The following OSBPL11 variants were observed in gnomAD, a reference collection of about 807,000 sequenced individuals.
The protein encoded by OSBPL11 is oxysterol-binding protein-related protein 11.
OSBPL11 carries 33 observed loss-of-function variants against 84.4 expected under a neutral mutation model. The observed-to-expected ratio is 0.39, with a 90% CI of 0.30 to 0.52. OSBPL11 has a LOEUF of 0.52. OSBPL11 is among the 20% of genes least tolerant of loss of function. The pLI, the probability that OSBPL11 is intolerant of heterozygous loss-of-function variation, is 0.72. For synonymous variants in OSBPL11, 276 were observed against 310.2 expected, an observed-to-expected ratio of 0.89 and a Z score of 1.16; for missense variants, 736 against 901.1, an observed-to-expected ratio of 0.82 and a Z score of 2.35.
chr3:125,581,344 G>A lies in OSBPL11; in HGVS notation c.234-1304C>T, dbSNP rs184698675. 9.0e-4 allele frequency among the ~76,000 whole-genome samples: 137 copies of A among 151,428 alleles called. 1 individual carries two copies. Among genetic ancestry groups the A allele is most frequent in the African/African-American group, 3.2e-3 (132 of 41,380 alleles). ...TGAACTCAGGCGATCCTCCCGCCTC[G>A]GCCTCCCAAAGTGCTTGGATTACAG... On this transcript the variant is annotated intron_variant, in intron 2 of 12. Coordinates refer to ENST00000296220, the MANE Select transcript of OSBPL11 (RefSeq NM_022776.5).
intron 12 of OSBPL11, among the ~76,000 whole-genome samples, chr3:125,531,151 G>C (rs1278838447): frequency 6.7e-6 from 1 of 149,552 alleles, no homozygotes; most frequent in African/African-American, 2.5e-5. Flanking sequence ...GCTAATTTTT[G>C]TATTTTTAGT....
chr3:125,594,548 TTA>T, intron 1 of OSBPL11, 87 bp downstream of exon 1: 1 of 1,481,128 alleles, frequency 6.8e-7, no homozygotes, highest in Non-Finnish European at 9.1e-7. Context: ...GAAAAAACTT[TTA>T]TCTTTCAACA....
intron 1 of OSBPL11, among the ~76,000 whole-genome samples, chr3:125,593,523 G>A (rs1044590593): frequency 6.6e-6 from 1 of 151,556 alleles, no homozygotes; most frequent in Admixed American, 6.6e-5. Flanking sequence ...GGGAGGCTGA[G>A]ACACGAGAAT....
chr3:125,540,601 G>A (rs536500370), intron 10 of OSBPL11, among the ~76,000 whole-genome samples: 123 of 152,290 alleles, frequency 8.1e-4, no homozygotes, highest in African/African-American at 2.9e-3. Context: ...ATATGAGGAA[G>A]TGACACTGAA....
intron 11 of OSBPL11, among the ~76,000 whole-genome samples, chr3:125,537,504 C>A (rs918358745): frequency 6.6e-6 from 1 of 152,194 alleles, no homozygotes; most frequent in Non-Finnish European, 1.5e-5. Flanking sequence ...GAGACCCTCT[C>A]CTTAGGATAA....
chr3:125,550,401 ACAC>A (rs1331066134), intron 9 of OSBPL11, among the ~76,000 whole-genome samples: 4 of 130,922 alleles, frequency 3.1e-5, no homozygotes, highest in Non-Finnish European at 6.5e-5. Context: ...ACACACACAC[ACAC>A]ACAACAAACA....
intron 11 of OSBPL11, among the ~76,000 whole-genome samples, chr3:125,533,237 G>GTTCTCGTCTC: frequency 8.5e-6 from 1 of 117,354 alleles, no homozygotes; most frequent in Admixed American, 1.2e-4. Flanking sequence ...TTTCTCTTCT[G>GTTCTCGTCTC]TTCTCGTCTC....
intron 9 of OSBPL11, among the ~76,000 whole-genome samples, chr3:125,551,939 A>C (rs1013875449): frequency 3.3e-5 from 5 of 152,072 alleles, no homozygotes; most frequent in Admixed American, 3.3e-4. Flanking sequence ...ATAATATTTT[A>C]AACTTAGAGT....
intron 5 of OSBPL11, among the ~76,000 whole-genome samples, chr3:125,575,459 C>T (rs1436159959): frequency 6.6e-6 from 1 of 151,518 alleles, no homozygotes; most frequent in Non-Finnish European, 1.5e-5. Flanking sequence ...CTCCTGGGCT[C>T]AGGCGATCCT....
chr3:125,573,025 G>A (rs111701832), intron 5 of OSBPL11, among the ~76,000 whole-genome samples: 274 of 148,494 alleles, frequency 1.8e-3, no homozygotes, highest in African/African-American at 6.1e-3. Context: ...GTGTGTGTGT[G>A]TATATATATA....
chr3:125,534,652 G>A (rs1188926041), intron 11 of OSBPL11, among the ~76,000 whole-genome samples: 1 of 149,946 alleles, frequency 6.7e-6, no homozygotes, highest in Non-Finnish European at 1.5e-5. Context: ...AAAGTCATCA[G>A]ATAGAAATAA....
intron 1 of OSBPL11, among the ~76,000 whole-genome samples, chr3:125,587,716 A>T (rs2107613210): frequency 6.6e-6 from 1 of 151,762 alleles, no homozygotes; most frequent in Middle Eastern, 3.4e-3. Flanking sequence ...CTTTGGGAGG[A>T]TCACTTGAGC....
At chr3:125,582,792 C>A in intron 2 of OSBPL11, 118 bp downstream of exon 2, 1 of 768,714 alleles carries the variant, frequency 1.3e-6, no homozygotes, top group East Asian at 3.0e-5. Context: ...TGTGGGAAAT[C>A]CTTCTCTAAA....
chr3:125,534,223 A>G (rs1351628065), intron 11 of OSBPL11, among the ~76,000 whole-genome samples: 4 of 152,046 alleles, frequency 2.6e-5, no homozygotes, highest in African/African-American at 9.7e-5. Context: ...TCTACTAAAA[A>G]TATAAAAAAA....
intron 9 of OSBPL11, among the ~76,000 whole-genome samples, chr3:125,550,144 T>A (rs1299219168): frequency 6.6e-6 from 1 of 151,990 alleles, no homozygotes; most frequent in Non-Finnish European, 1.5e-5. Context: ...GAAGCTGGGG[T>A]GGGTGGATCA....
intron 11 of OSBPL11, among the ~76,000 whole-genome samples, chr3:125,532,849 A>G (rs1935581716): frequency 6.6e-6 from 1 of 152,116 alleles, no homozygotes; most frequent in Admixed American, 6.6e-5. Context: ...AATACTATTC[A>G]GCAATAAAAA....
At chr3:125,574,021 A>G (rs1936280102) in intron 5 of OSBPL11, among the ~76,000 whole-genome samples, 5 of 152,176 alleles carry the variant, frequency 3.3e-5, no homozygotes, top group Admixed American at 2.6e-4. Context: ...CTGGAACTGG[A>G]TAATTCTAGA....
intron 9 of OSBPL11, among the ~76,000 whole-genome samples, chr3:125,551,779 A>T (rs950000196): frequency 6.6e-6 from 1 of 152,126 alleles, no homozygotes; most frequent in East Asian, 1.9e-4. Context: ...CTCCATCTCA[A>T]AAAAAAGAAA....
rs1436277378 is a variant in OSBPL11 at position 125,563,798 on chromosome 3, T to C, written c.914A>G (p.His305Arg). Reference protein sequence around the residue: ...WLEPKISLSNHYKNGADQPFA... With the variant: ...WLEPKISLSNRYKNGADQPFA... ...GGGCTGGTCAGCTCCATTTTTATAG[T>C]GGTTTGATAAAGATATCTTTGGTTC... The change falls in exon 7 of 13, where the codon CAC becomes CGC. Residue 305 changes from histidine (H) to arginine (R), a missense_variant. His to Arg is a conservative substitution (Grantham distance 29, BLOSUM62 0). This residue lies in a region of OSBPL11 where 579 missense variants were observed against 717.6 expected (regional missense o/e 0.81). Transcript: ENST00000296220. 2 of 1,614,060 alleles carry C rather than the reference T, an allele frequency of 1.2e-6. No homozygotes were observed. The highest frequency in any genetic ancestry group is 1.7e-6 in the Non-Finnish European group (2 of 1,180,032).
Sources: allele counts gnomAD v4.1 joint callset (sites outside exome capture counted in the v4.1 genomes callset), GRCh38; gene constraint gnomAD v4.1.1; regional missense constraint gnomAD v4.1.1; transcripts MANE v1.5; gene names NCBI Gene and HGNC (gene_info 2026-07-23, HGNC 2026-07-21).